Variants in BBS4 observed in about 807,000 individuals in gnomAD.
BBS4 encodes Bardet-Biedl syndrome 4, also known as BBSome complex member BBS4.
In BBS4, 58 loss-of-function variants were observed where a neutral mutation model predicts 71.4. The observed-to-expected ratio is 0.81, with a 90% CI of 0.66 to 1.01. The LOEUF is 1.01. Ranked by LOEUF, BBS4 falls within the 50% of genes least tolerant of loss-of-function variation. BBS4 has a pLI of 0.00. For synonymous variants in BBS4, 228 were observed against 216.8 expected (o/e 1.05, Z -0.46); for missense variants, 660 against 607.9 (o/e 1.09, Z -0.90).
At chr15:72,708,957 T>G (rs530091468) in intron 2 of BBS4, among the ~76,000 whole-genome samples, 7 of 152,362 alleles carry the variant, frequency 4.6e-5, no homozygotes, top group African/African-American at 1.7e-4. Flanking sequence ...TGTGCACCGC[T>G]GAACATAGAC....
At chr15:72,724,698 A>C in intron 8 of BBS4, 43 bp downstream of exon 8, 1 of 1,610,086 alleles carries the variant, frequency 6.2e-7, no homozygotes, top group Non-Finnish European at 8.5e-7. Context: ...AAACTAAAAA[A>C]ATTGAGTGGA....
intron 5 of BBS4, 23 bp downstream of exon 5, chr15:72,715,425 C>A: frequency 6.7e-7 from 1 of 1,502,956 alleles, no homozygotes; most frequent in South Asian, 1.1e-5. Flanking sequence ...AACCTGGAGG[C>A]CCTAGGGCAC....
rs901444691 is a variant in BBS4, at chr15:72,735,129, G to C, written c.1053G>C (p.Leu351=). The C allele has an allele frequency of 6.8e-6, 11 of 1,613,510 alleles. No individual in the cohort carries two copies. The highest frequency in any genetic ancestry group is 9.3e-6 in the Non-Finnish European group (11 of 1,179,622). The change falls in exon 13 of 16, where the codon CTG becomes CTC. Residue 351 remains leucine (L), a synonymous_variant. Coordinates refer to ENST00000268057, the MANE Select transcript of BBS4 (RefSeq NM_033028.5). ...YMLLAVALTN[L]EDIENAKRAY... ...TTGTTGCAGTGGCTCTGACCAATCTGGAAGATATAGAAAATGCCAAGAGAG... is the reference window on the plus strand; with the variant it reads ...TTGTTGCAGTGGCTCTGACCAATCTCGAAGATATAGAAAATGCCAAGAGAG...
intron 6 of BBS4, among the ~76,000 whole-genome samples, chr15:72,719,988 A>G (rs1281743798): frequency 6.6e-6 from 1 of 151,170 alleles, no homozygotes; most frequent in Non-Finnish European, 1.5e-5. Context: ...TGACGTTGTG[A>G]TCCGCCCACC....
chr15:72,700,100 C>T (rs781344428), intron 2 of BBS4, among the ~76,000 whole-genome samples: 5 of 152,174 alleles, frequency 3.3e-5, no homozygotes, highest in East Asian at 1.9e-4. Context: ...CCACCATGCC[C>T]GGCTAATTTT....
chr15:72,725,693 T>TTTTCCCCTTCCC (rs2065659990), intron 8 of BBS4, among the ~76,000 whole-genome samples: 1 of 107,286 alleles, frequency 9.3e-6, no homozygotes, highest in Admixed American at 1.1e-4. Flanking sequence ...CCCTTCCCCG[T>TTTTCCCCTTCCC]TTTCCCCTTC....
Position 72,690,409 on chromosome 15 carries a change from A to G in BBS4, c.24+4158A>G, listed in dbSNP as rs529392957. Among the ~76,000 whole-genome samples, 10 of 152,316 alleles carry G rather than the reference A, an allele frequency of 6.6e-5. No homozygotes were observed. In the South Asian group the frequency reaches 2.1e-3, roughly 32 times the overall value. ...TCCTTTCCATCTCAAAATGTTCTGGAAAGTCTTGAGTAAAAGACTCATCAA... is the reference window on the plus strand; with the variant it reads ...TCCTTTCCATCTCAAAATGTTCTGGGAAGTCTTGAGTAAAAGACTCATCAA... On this transcript the variant is annotated intron_variant, in intron 1 of 15. Transcript: ENST00000268057.
Position 72,688,411 on chromosome 15 carries a change from C to CTTTTTTTTTTTTTTTTTTT in BBS4, c.24+2162_24+2180dup, listed in dbSNP as rs58644289. ...GTCCTTTTAGGAAGTGGTATTTTATCTTTTTTTTTTTTTTTTTTTTGAGAC... is the reference window on the plus strand; with the variant it reads ...GTCCTTTTAGGAAGTGGTATTTTATCTTTTTTTTTTTTTTTTTTTTTTTTTTTTTTTTTTTTTTTGAGAC... On this transcript the variant is annotated intron_variant, in intron 1 of 15. Coordinates refer to ENST00000268057, the MANE Select transcript of BBS4 (RefSeq NM_033028.5). Among the ~76,000 whole-genome samples, 349 of 83,050 alleles carry CTTTTTTTTTTTTTTTTTTT rather than the reference C, an allele frequency of 4.2e-3. 63 individuals carry two copies. Among genetic ancestry groups the CTTTTTTTTTTTTTTTTTTT allele is most frequent in the East Asian group, 0.015 (28 of 1,908 alleles). 54.5% of individuals were successfully genotyped at this position (83,050 alleles called of 152,430 possible). A position where few individuals can be genotyped will look rare whatever the true frequency, so the allele number is the denominator to read the frequency against.
chr15:72,691,750 G>A (rs1342842081), intron 1 of BBS4, among the ~76,000 whole-genome samples: 1 of 152,120 alleles, frequency 6.6e-6, no homozygotes, highest in Non-Finnish European at 1.5e-5. Flanking sequence ...GGATCATGAG[G>A]TCAAGAGATC....
intron 8 of BBS4, among the ~76,000 whole-genome samples, chr15:72,725,685 CTTCCCCGTTTTCCCCTTCCCT>C (rs1304018718): frequency 4.8e-5 from 7 of 146,584 alleles, no homozygotes; most frequent in East Asian, 4.1e-4. Flanking sequence ...TTCCCTTCCC[CTTCCCCGTTTTCCCCTTCCCT>C]TTCCCCGTTT....
intron 6 of BBS4, 190 bp downstream of exon 6, chr15:72,717,040 A>G: frequency 1.7e-6 from 1 of 598,388 alleles, no homozygotes; most frequent in Non-Finnish European, 3.0e-6. Flanking sequence ...GCATTGCTGC[A>G]TGATTTTCTA....
At chr15:72,721,914 C>T (rs2065583894) in intron 6 of BBS4, among the ~76,000 whole-genome samples, 1 of 152,284 alleles carries the variant, frequency 6.6e-6, no homozygotes, top group Non-Finnish European at 1.5e-5. Flanking sequence ...GCAGGTTGGT[C>T]TTTTAGTGAA....
At chr15:72,727,909 T>C in intron 8 of BBS4, 31 bp from the exon 9 acceptor site, 1 of 1,564,416 alleles carries the variant, frequency 6.4e-7, no homozygotes, top group South Asian at 1.1e-5. Flanking sequence ...CATCTACATC[T>C]TGTTTCCCTC....
Position 72,731,312 on chromosome 15 carries a change from TGGCAGCAG to T in BBS4, c.721_728del (p.Ala241GlnfsTer10). 2 of 1,614,128 alleles carry T rather than the reference TGGCAGCAG, an allele frequency of 1.2e-6. No individual in the cohort carries two copies. The highest frequency in any genetic ancestry group is 1.7e-6 in the Non-Finnish European group (2 of 1,180,008). On this transcript the variant is annotated frameshift_variant, in exon 11 of 16. Transcript: ENST00000268057. LOFTEE classifies it high-confidence loss of function. ...TCTGTGCCATGTTTTCAGGCCATCT[TGGCAGCAG>T]GCAGCATGATGCAGACCCACGGGGA... is the stretch of plus-strand genomic sequence containing the variant.
At chr15:72,706,567 G>T (rs1203583572) in intron 2 of BBS4, among the ~76,000 whole-genome samples, 1 of 152,132 alleles carries the variant, frequency 6.6e-6, no homozygotes, top group African/African-American at 2.4e-5. Context: ...AATGGCTAAG[G>T]TCTGGTCATT....
chr15:72,732,894 G>A (rs2151050056), intron 12 of BBS4, among the ~76,000 whole-genome samples: 1 of 152,300 alleles, frequency 6.6e-6, no homozygotes, highest in East Asian at 1.9e-4. Flanking sequence ...ACCAGGTTGG[G>A]GATTGGCCAG....
intron 1 of BBS4, chr15:72,686,610 T>C (rs1296427912): frequency 2.3e-6 from 3 of 1,323,038 alleles, no homozygotes; most frequent in Non-Finnish European, 3.0e-6. Context: ...ATCCCGTGAA[T>C]TGGGAATTTA....
rs748758201 is a variant in BBS4, at chr15:72,737,567, GAACAAATAAGA to G, written c.1541_1551del (p.Glu514GlyfsTer7). 4.3e-5 allele frequency: 69 copies of G among 1,608,990 alleles called. 1 individual carries two copies. The highest frequency in any genetic ancestry group is 3.9e-4 in the Admixed American group (23 of 59,418). On this transcript the variant is annotated frameshift_variant, in exon 16 of 16. Coordinates refer to ENST00000268057, the MANE Select transcript of BBS4 (RefSeq NM_033028.5). LOFTEE classifies it high-confidence loss of function. ...GGAATCAAGTCCAACTGAAACATCAGAACAAATAAGAGAGAAATAAGAATAGAATGAATGAC... is the reference window on the plus strand; with the variant it reads ...GGAATCAAGTCCAACTGAAACATCAGGAGAAATAAGAATAGAATGAATGAC...
At chr15:72,723,962 T>C (rs1462343562) in intron 7 of BBS4, among the ~76,000 whole-genome samples, 9 of 152,320 alleles carry the variant, frequency 5.9e-5, no homozygotes, top group African/African-American at 2.2e-4. Flanking sequence ...TAAATGCTTG[T>C]TGAATCTGTG....
Sources: allele counts gnomAD v4.1 joint callset (sites outside exome capture counted in the v4.1 genomes callset), GRCh38; gene constraint gnomAD v4.1.1; transcripts MANE v1.5; gene names NCBI Gene and HGNC (gene_info 2026-07-23, HGNC 2026-07-21).